The following ANKRD30BL variants were observed in gnomAD, a reference collection of about 807,000 sequenced individuals.
ANKRD30BL encodes ankyrin repeat domain 30B like.
A neutral mutation model predicts 18.4 loss-of-function variants in ANKRD30BL; 20 were observed. That is an observed-to-expected ratio of 1.09 (90% CI 0.77 to 1.58). The LOEUF is 1.58. ANKRD30BL is among the 40% of genes most tolerant of loss of function. The pLI is 0.00. For missense variants in ANKRD30BL, 224 were observed against 268.6 expected, an observed-to-expected ratio of 0.83 and a Z score of 1.16; for synonymous variants, 72 against 100.9, an observed-to-expected ratio of 0.71 and a Z score of 1.72.
intron 1 of ANKRD30BL, among the ~76,000 whole-genome samples, chr2:132,177,883 TG>T (rs1482196547): frequency 2.0e-5 from 3 of 152,210 alleles, no homozygotes; most frequent in Non-Finnish European, 4.4e-5. Context: ...TTTTTTTGTT[TG>T]TTTTTTTGTT....
intron 1 of ANKRD30BL, among the ~76,000 whole-genome samples, chr2:132,220,478 C>T (rs1211265255): frequency 6.6e-6 from 1 of 152,072 alleles, no homozygotes; most frequent in Non-Finnish European, 1.5e-5. Flanking sequence ...ATTCTCCTGC[C>T]TCAGCCTGCC....
intron 1 of ANKRD30BL, among the ~76,000 whole-genome samples, chr2:132,235,938 A>G (rs1179055290): frequency 6.6e-6 from 1 of 152,182 alleles, no homozygotes; most frequent in Non-Finnish European, 1.5e-5. Flanking sequence ...ACTTCAAACT[A>G]TACTGCAAAG....
chr2:132,204,513 A>T (rs1020581193), intron 1 of ANKRD30BL, among the ~76,000 whole-genome samples: 4 of 149,522 alleles, frequency 2.7e-5, no homozygotes, highest in African/African-American at 9.8e-5. Flanking sequence ...ATATATATAT[A>T]CTTATTTTCA....
At chr2:132,240,177 C>T (rs1680275766) in intron 1 of ANKRD30BL, among the ~76,000 whole-genome samples, 1 of 151,856 alleles carries the variant, frequency 6.6e-6, no homozygotes. Context: ...TAGAAGCATT[C>T]TCAGAAACTA....
chr2:132,148,069 C>G lies in ANKRD30BL; in HGVS notation c.*62G>C, dbSNP rs1687654534. 45 of 1,251,054 alleles carry G rather than the reference C, an allele frequency of 3.6e-5. 2 individuals are homozygous for G. The South Asian group carries it at 5.5e-4, about 15-fold the overall frequency. The allele number at this position is 1,251,054 out of a possible 1,614,324, so 77.5% of individuals were successfully genotyped here. ...TCAGAACTCATTGTACTTAATCTTC[C>G]CCCTCTTGAATTTTAAAGGATGTTT... On this transcript the variant is annotated 3_prime_UTR_variant, in exon 6 of 6. Coordinates refer to ENST00000409867, the MANE Select transcript of ANKRD30BL (RefSeq NM_001358416.1).
chr2:132,256,316 G>T (rs1365791895), intron 1 of ANKRD30BL, among the ~76,000 whole-genome samples: 1 of 146,396 alleles, frequency 6.8e-6, no homozygotes, highest in Non-Finnish European at 1.5e-5. Context: ...GTGGTGGGAG[G>T]GGGGTGGTGG....
chr2:132,170,133 C>T (rs557780519), intron 1 of ANKRD30BL, among the ~76,000 whole-genome samples: 2 of 152,212 alleles, frequency 1.3e-5, no homozygotes, highest in East Asian at 3.9e-4. Flanking sequence ...TGTCTAATTT[C>T]TATTTTTCTC....
chr2:132,158,630 C>T (rs1394703188), intron 1 of ANKRD30BL, among the ~76,000 whole-genome samples: 1 of 150,786 alleles, frequency 6.6e-6, no homozygotes, highest in Non-Finnish European at 1.5e-5. Context: ...ACATAATAGG[C>T]ATTCAGCTTA....
intron 1 of ANKRD30BL, among the ~76,000 whole-genome samples, chr2:132,227,546 C>G (rs375816427): frequency 3.5e-4 from 53 of 150,456 alleles, no homozygotes; most frequent in Middle Eastern, 3.4e-3. Flanking sequence ...AACGGGAATA[C>G]CTTCACATAA....
chr2:132,223,455 C>A (rs113465278), intron 1 of ANKRD30BL, among the ~76,000 whole-genome samples: 1 of 151,624 alleles, frequency 6.6e-6, no homozygotes, highest in Admixed American at 6.6e-5. Context: ...AATATCTTCC[C>A]ATAGAAACTA....
chr2:132,176,056 C>T (rs1181627208), intron 1 of ANKRD30BL, among the ~76,000 whole-genome samples: 1 of 152,166 alleles, frequency 6.6e-6, no homozygotes, highest in East Asian at 1.9e-4. Flanking sequence ...TAGAAATGAT[C>T]GTTAGCAACA....
At chr2:132,180,505 A>C (rs1275661522) in intron 1 of ANKRD30BL, among the ~76,000 whole-genome samples, 4 of 152,220 alleles carry the variant, frequency 2.6e-5, no homozygotes, top group Non-Finnish European at 5.9e-5. Flanking sequence ...ACACATATGC[A>C]GGGGCATGCA....
intron 1 of ANKRD30BL, among the ~76,000 whole-genome samples, chr2:132,256,428 C>T (rs1344180928): frequency 6.6e-6 from 1 of 152,194 alleles, no homozygotes; most frequent in African/African-American, 2.4e-5. Flanking sequence ...GCCGACCGCC[C>T]GACCCGTGTG....
At chr2:132,183,892 G>A (rs1284031927) in intron 1 of ANKRD30BL, among the ~76,000 whole-genome samples, 4 of 152,020 alleles carry the variant, frequency 2.6e-5, no homozygotes, top group Non-Finnish European at 4.4e-5. Flanking sequence ...TAAGGTGGGG[G>A]TGAAAGTGGG....
Position 132,221,856 on chromosome 2 carries a change from C to T in ANKRD30BL, n.441+35673G>A, listed in dbSNP as rs866470581. On this transcript the variant is annotated intron_variant and non_coding_transcript_variant, in intron 1 of 4. Transcript: ENST00000470729. The stretch of plus-strand genomic sequence containing the variant: ...CCCCCGCCCGGCCAGCCGCCCCGTC[C>T]GGGAGGGGGGAGGGGGAGTCAGCCC... 3.7e-3 allele frequency among the ~76,000 whole-genome samples: 410 copies of T among 111,130 alleles called. 31 individuals are homozygous for T. Among genetic ancestry groups the T allele is most frequent in the African/African-American group, 0.014 (329 of 22,790 alleles). The allele number at this position is 111,130 out of a possible 152,430, so 72.9% of individuals were successfully genotyped here.
Position 132,148,005 on chromosome 2 carries a change from A to T in ANKRD30BL, c.*126T>A, listed in dbSNP as rs1687651342. The T allele has an allele frequency of 4.2e-6, 3 of 713,962 alleles. No homozygotes were observed. 44.2% of individuals were successfully genotyped at this position (713,962 alleles called of 1,614,324 possible). A position where few individuals can be genotyped will look rare whatever the true frequency, so the allele number is the denominator to read the frequency against. On this transcript the variant is annotated 3_prime_UTR_variant, in exon 6 of 6. Coordinates refer to ENST00000409867, the MANE Select transcript of ANKRD30BL (RefSeq NM_001358416.1). The stretch of plus-strand genomic sequence containing the variant: ...TAAAACGGAGAACAAAGAACAGAGA[A>T]GCTGAACATACTGACATATTTGTTC...
intron 1 of ANKRD30BL, among the ~76,000 whole-genome samples, chr2:132,195,971 C>G (rs551869428): frequency 2.1e-3 from 313 of 150,954 alleles, no homozygotes; most frequent in Admixed American, 4.2e-3. Context: ...GAAACCCTCT[C>G]TCTACTAAAA....
At position 132,154,643 on chromosome 2, in the gene ANKRD30BL, A is replaced by G; in HGVS notation, c.614+19T>C. ...TAGCACACTACTCAAGTGTTTTTTA[A>G]TAAAAAAAACTACTATACCATTTAA... On this transcript the variant is annotated intron_variant, in intron 4 of 5. Transcript: ENST00000409867. 1 of 608,266 alleles carries G rather than the reference A, an allele frequency of 1.6e-6. No homozygotes were observed. Among genetic ancestry groups the G allele is most frequent in the South Asian group, 1.8e-5 (1 of 54,754 alleles). The allele number at this position is 608,266 out of a possible 1,614,324, so 37.7% of individuals were successfully genotyped here. A position where few individuals can be genotyped will look rare whatever the true frequency, so the allele number is the denominator to read the frequency against.
chr2:132,177,908 T>C (rs1307620884), intron 1 of ANKRD30BL, among the ~76,000 whole-genome samples: 4 of 152,234 alleles, frequency 2.6e-5, no homozygotes, highest in African/African-American at 9.6e-5. Flanking sequence ...GTTTGGTTTT[T>C]TTGTTTGTTT....
Sources: allele counts gnomAD v4.1 joint callset (sites outside exome capture counted in the v4.1 genomes callset), GRCh38; gene constraint gnomAD v4.1.1; transcripts MANE v1.5; gene names NCBI Gene and HGNC (gene_info 2026-07-23, HGNC 2026-07-21).